The following ANKRD33B variants were observed in gnomAD, a reference collection of about 807,000 sequenced individuals.
ANKRD33B encodes the protein ankyrin repeat domain 33B.
ANKRD33B carries 6 observed loss-of-function variants against 21.5 expected under a neutral mutation model. The observed-to-expected ratio is 0.28, with a 90% CI of 0.15 to 0.55. ANKRD33B has a LOEUF of 0.55. ANKRD33B is among the 20% of genes least tolerant of loss of function. ANKRD33B has a pLI of 0.94. For missense variants in ANKRD33B, 698 were observed against 747.2 expected (o/e 0.93, Z 0.77); for synonymous variants, 347 against 342.4 (o/e 1.01, Z -0.15).
intron 1 of ANKRD33B, among the ~76,000 whole-genome samples, chr5:10,594,090 A>T (rs957152707): frequency 2.0e-5 from 3 of 152,156 alleles, no homozygotes; most frequent in Admixed American, 2.0e-4. Flanking sequence ...CTTCATTGTC[A>T]CAGACCTATT....
rs1341612699 is a variant in ANKRD33B at position 10,649,467 on chromosome 5, T to G, written c.839T>G (p.Leu280Arg). The change falls in exon 4 of 4, where the codon CTG (leucine) becomes CGG (arginine). Residue 280 changes from leucine (L) to arginine (R), a missense_variant. Leu to Arg is a moderately radical substitution (Grantham distance 102). Around this residue, in one of 3 missense-constraint regions of ANKRD33B, gnomAD observed 543 missense variants for 566.5 expected, o/e 0.96. Coordinates refer to ENST00000296657, the MANE Select transcript of ANKRD33B (RefSeq NM_001164440.2). ...AAGCCCGCGGGCTCCAAGAACTGCC[T>G]GCAGAGGCTCACAGACTGCGTGCTG... ...ARKPAGSKNC[L>R]QRLTDCVLSV... 2 of 1,535,060 alleles carry G rather than the reference T, an allele frequency of 1.3e-6. No individual in the cohort carries two copies. Among genetic ancestry groups the G allele is most frequent in the East Asian group, 4.9e-5 (2 of 40,830 alleles).
chr5:10,602,223 C>G (rs1735949933), intron 1 of ANKRD33B, among the ~76,000 whole-genome samples: 1 of 152,226 alleles, frequency 6.6e-6, no homozygotes. Flanking sequence ...GTCAGCGGAG[C>G]ATGCTCACAC....
chr5:10,564,822 C>T lies in ANKRD33B; in HGVS notation c.355C>T (p.Arg119Cys), dbSNP rs1318760337. ...CGTCGAGGAGGCGCAGGAGACTGACCGCAACGGCAGGGTAAGCGGGCGTCC... is the reference window on the plus strand; with the variant it reads ...CGTCGAGGAGGCGCAGGAGACTGACTGCAACGGCAGGGTAAGCGGGCGTCC... ...VSVEEAQETD[R>C]NGRTGLIVAC... Residue 119 changes from arginine to cysteine, a missense_variant, in exon 1 of 4, where the codon CGC becomes TGC. Coordinates refer to ENST00000296657, the MANE Select transcript of ANKRD33B (RefSeq NM_001164440.2). 6.6e-7 allele frequency: 1 copy of T among 1,506,244 alleles called. No homozygotes were observed. The highest frequency in any genetic ancestry group is 2.5e-5 in the East Asian group (1 of 40,324). The allele number at this position is 1,506,244 out of a possible 1,614,324, so 93.3% of individuals were successfully genotyped here. A position where few individuals can be genotyped will look rare whatever the true frequency, so the allele number is the denominator to read the frequency against.
chr5:10,585,232 T>C (rs1474614866), intron 1 of ANKRD33B, among the ~76,000 whole-genome samples: 1 of 151,746 alleles, frequency 6.6e-6, no homozygotes, highest in Non-Finnish European at 1.5e-5. Context: ...AGGGCAGATC[T>C]TCTTAGGCTC....
rs796874044 is a variant in ANKRD33B at position 10,651,006 on chromosome 5, T to C, written c.*893T>C. 2 of 152,432 alleles carry C rather than the reference T, an allele frequency of 1.3e-5. No individual in the cohort carries two copies. The highest frequency in any genetic ancestry group is 2.9e-5 in the Non-Finnish European group (2 of 68,030). 9.4% of individuals were successfully genotyped at this position (152,432 alleles called of 1,614,324 possible). On this transcript the variant is annotated 3_prime_UTR_variant, in exon 4 of 4. Transcript: ENST00000296657. ...TTACCAGAAATACAAAATTAAGCCA[T>C]ATGTGCTCTTAAGTAATTCGAATCC...
chr5:10,631,013 A>G (rs6875065), intron 2 of ANKRD33B, among the ~76,000 whole-genome samples: 34,828 of 152,110 alleles, frequency 0.23, 4,079 homozygotes, highest in Middle Eastern at 0.34. Context: ...TCCCTGGAAC[A>G]GGGGTCTTAT....
intron 1 of ANKRD33B, among the ~76,000 whole-genome samples, chr5:10,599,772 T>C (rs1232852333): frequency 1.3e-5 from 2 of 152,258 alleles, no homozygotes; most frequent in African/African-American, 4.8e-5. Flanking sequence ...TTCACTACTG[T>C]GAATAATGCT....
chr5:10,584,909 G>C (rs375619646), intron 1 of ANKRD33B, among the ~76,000 whole-genome samples: 12 of 152,342 alleles, frequency 7.9e-5, no homozygotes, highest in African/African-American at 2.9e-4. Context: ...AGGAACCTTT[G>C]AGTAAAGACC....
chr5:10,622,867 GTTTAT>G (rs1736454217), intron 2 of ANKRD33B, among the ~76,000 whole-genome samples: 1 of 142,120 alleles, frequency 7.0e-6, no homozygotes, highest in Admixed American at 7.2e-5. Flanking sequence ...TCCTTCTCTG[GTTTAT>G]TTTAAGTCAA....
intron 1 of ANKRD33B, among the ~76,000 whole-genome samples, chr5:10,606,082 T>C (rs1248541014): frequency 6.6e-6 from 1 of 152,212 alleles, no homozygotes; most frequent in African/African-American, 2.4e-5. Context: ...GAAAATTAGA[T>C]GAGCCTCTGA....
chr5:10,600,524 T>A (rs1735906536), intron 1 of ANKRD33B, among the ~76,000 whole-genome samples: 1 of 152,234 alleles, frequency 6.6e-6, no homozygotes, highest in Non-Finnish European at 1.5e-5. Context: ...TCAGTAGTAT[T>A]CCCAAGTTTG....
chr5:10,596,944 C>G (rs527259644), intron 1 of ANKRD33B, among the ~76,000 whole-genome samples: 9 of 152,246 alleles, frequency 5.9e-5, no homozygotes, highest in African/African-American at 2.2e-4. Context: ...TCCAGCCAAT[C>G]TAAGTATTCA....
rs1314214618 is a variant in ANKRD33B, at chr5:10,649,549, C to A, written c.921C>A (p.His307Gln). ...CGGAGGACGGGGGCGTCCTGGACCA[C>A]ATGGTCCGGATGACCACGAGCCTCT... The part of the protein sequence containing the change: ...RGPEDGGVLD[H>Q]MVRMTTSLYS... The change falls in exon 4 of 4, where the codon CAC (histidine) becomes CAA (glutamine). Residue 307 changes from histidine (H) to glutamine (Q), a missense_variant. Physicochemically the swap from His to Gln is conservative, Grantham distance 24 (BLOSUM62 0). Around this residue, in one of 3 missense-constraint regions of ANKRD33B, gnomAD observed 543 missense variants for 566.5 expected, o/e 0.96. Coordinates refer to ENST00000296657, the MANE Select transcript of ANKRD33B (RefSeq NM_001164440.2). 6.5e-7 allele frequency: 1 copy of A among 1,530,250 alleles called. No individual in the cohort carries two copies. Among genetic ancestry groups the A allele is most frequent in the Non-Finnish European group, 8.7e-7 (1 of 1,143,968 alleles). 94.8% of individuals were successfully genotyped at this position (1,530,250 alleles called of 1,614,324 possible).
At chr5:10,631,994 T>C (rs547325236) in intron 2 of ANKRD33B, among the ~76,000 whole-genome samples, 1 of 152,260 alleles carries the variant, frequency 6.6e-6, no homozygotes, top group African/African-American at 2.4e-5. Context: ...GGTTTCTGTT[T>C]AGACTTAGGA....
At chr5:10,632,538 C>A (rs114271019) in intron 2 of ANKRD33B, among the ~76,000 whole-genome samples, 112 of 152,262 alleles carry the variant, frequency 7.4e-4, no homozygotes, top group Non-Finnish European at 1.3e-3. Flanking sequence ...CCTGTCCATC[C>A]ACTCATTTAG....
rs1327497751 is a variant in ANKRD33B at position 10,564,404 on chromosome 5, C to A, written c.-64C>A. On this transcript the variant is annotated 5_prime_UTR_variant, in exon 1 of 4. Coordinates refer to ENST00000296657, the MANE Select transcript of ANKRD33B (RefSeq NM_001164440.2). ...GAAGCGAGAAGCGGGGACCTCGGCG[C>A]GCGCCCCGCGTCCCGCTCTTCCTGC... The A allele has an allele frequency of 4.5e-5, 45 of 995,110 alleles. No homozygotes were observed. The highest frequency in any genetic ancestry group is 1.0e-4 in the African/African-American group (6 of 57,462). The allele number at this position is 995,110 out of a possible 1,614,324, so 61.6% of individuals were successfully genotyped here.
rs1737317255 is a variant in ANKRD33B at position 10,650,322 on chromosome 5, G to C, written c.*209G>C. 3 of 444,970 alleles carry C rather than the reference G, an allele frequency of 6.7e-6. No homozygotes were observed. The highest frequency in any genetic ancestry group is 1.1e-5 in the Non-Finnish European group (3 of 270,104). 27.6% of individuals were successfully genotyped at this position (444,970 alleles called of 1,614,324 possible). A position where few individuals can be genotyped will look rare whatever the true frequency, so the allele number is the denominator to read the frequency against. On this transcript the variant is annotated 3_prime_UTR_variant, in exon 4 of 4. Transcript: ENST00000296657. ...GATTCGCTTGTCGCCAGCCCTCCTA[G>C]CAATCAGTACACCTAGCGGGCACGT...
At chr5:10,596,007 A>G (rs1016807852) in intron 1 of ANKRD33B, among the ~76,000 whole-genome samples, 2 of 152,176 alleles carry the variant, frequency 1.3e-5, no homozygotes, top group Non-Finnish European at 2.9e-5. Flanking sequence ...TGAAAATATC[A>G]TGTTTCGCCT....
chr5:10,642,124 T>G (rs1166099919), intron 3 of ANKRD33B, among the ~76,000 whole-genome samples: 1 of 152,194 alleles, frequency 6.6e-6, no homozygotes, highest in Non-Finnish European at 1.5e-5. Context: ...CTGCAAACCT[T>G]TTTTAGGTCA....
Sources: allele counts gnomAD v4.1 joint callset (sites outside exome capture counted in the v4.1 genomes callset), GRCh38; gene constraint gnomAD v4.1.1; regional missense constraint gnomAD v4.1.1; transcripts MANE v1.5; gene names NCBI Gene and HGNC (gene_info 2026-07-23, HGNC 2026-07-21).